The following CDK9 variants were observed in gnomAD, a reference collection of about 807,000 sequenced individuals.
CDK9 encodes the protein cyclin-dependent kinase 9.
CDK9 carries 34 observed loss-of-function variants against 39.0 expected under a neutral mutation model. The ratio of observed to expected loss-of-function variants is 0.87; its 90% CI spans 0.66 to 1.16. The LOEUF (loss-of-function observed/expected upper bound fraction) is 1.16. CDK9 is among the 50% of genes most tolerant of loss of function. The probability of loss-of-function intolerance (pLI) is 0.00; values close to 1 mark genes in which losing one functional copy is unlikely to be tolerated. For synonymous variants in CDK9, 233 were observed against 196.2 expected, an observed-to-expected ratio of 1.19 and a Z score of -1.57; for missense variants, 369 against 503.2, an observed-to-expected ratio of 0.73 and a Z score of 2.55.
intron 4 of CDK9, 23 bp downstream of exon 4, chr9:127,788,136 G>C (rs1490566041): frequency 8.1e-6 from 13 of 1,614,010 alleles, no homozygotes; most frequent in Non-Finnish European, 1.1e-5. Flanking sequence ...GCTGGGAGGA[G>C]GACCCAGGCT....
Position 127,788,665 on chromosome 9 carries a change from T to C in CDK9, c.726T>C (p.Ser242=). 3.1e-6 allele frequency: 5 copies of C among 1,610,494 alleles called. No homozygotes were observed. The highest frequency in any genetic ancestry group is 1.1e-5 in the South Asian group (1 of 90,524). Residue 242 remains serine, a synonymous_variant, in exon 6 of 7, where the codon AGT becomes AGC. Coordinates refer to ENST00000373264, the MANE Select transcript of CDK9 (RefSeq NM_001261.4). ...NTEQHQLALI[S]QLCGSITPEV... ...AGCAGCACCAACTCGCCCTCATCAG[T>C]CAGCTCTGCGGCTCCATCACCCCTG...
At chr9:127,788,713 CG>C in intron 6 of CDK9, 21 bp downstream of exon 6, 1 of 1,568,768 alleles carries the variant, frequency 6.4e-7, no homozygotes, top group East Asian at 2.3e-5. Context: ...CCGGTCCCCA[CG>C]GGGTGCAGAG....
intron 1 of CDK9, 88 bp downstream of exon 1, chr9:127,786,328 G>C: frequency 9.0e-7 from 1 of 1,107,428 alleles, no homozygotes; most frequent in South Asian, 1.3e-5. Context: ...CGAGTTGGTA[G>C]AGAAGTCGTC....
chr9:127,789,928 GT>G lies in CDK9; in HGVS notation c.*390del. 9 of 198,134 alleles carry G rather than the reference GT, an allele frequency of 4.5e-5. No homozygotes were observed. The highest frequency in any genetic ancestry group is 1.4e-4 in the East Asian group (1 of 7,000). 12.3% of individuals were successfully genotyped at this position (198,134 alleles called of 1,614,324 possible). ...ACAGGGCTCGCCTCAGGAATGGGCT[GT>G]TTTTGGCCTAACCCTCAGAAACACT... is the stretch of plus-strand genomic sequence containing the variant. On this transcript the variant is annotated 3_prime_UTR_variant, in exon 7 of 7. Transcript: ENST00000373264. The surrounding 1 kb of genome is among the most constrained non-coding windows in gnomAD (Gnocchi z 5.2).
In CDK9 at chr9:127,787,541, G is replaced by T; in HGVS notation, c.198G>T (p.Glu66Asp). 1 of 1,613,504 alleles carries T rather than the reference G, an allele frequency of 6.2e-7. No individual in the cohort carries two copies. Among genetic ancestry groups the T allele is most frequent in the Non-Finnish European group, 8.5e-7 (1 of 1,179,484 alleles). ...KEGFPITALR[E>D]IKILQLLKHE... Reference sequence around the variant, plus strand: ...AGTTCCCCATTACAGCCTTGCGGGAGATCAAGATCCTTCAGCTTCTAAAAC... The same window carrying T: ...AGTTCCCCATTACAGCCTTGCGGGATATCAAGATCCTTCAGCTTCTAAAAC... The change falls in exon 3 of 7, where the codon GAG becomes GAT. Residue 66 changes from glutamate to aspartate, a missense_variant. Glu to Asp is a conservative substitution (Grantham distance 45). Transcript: ENST00000373264.
chr9:127,788,172 G>C, intron 4 of CDK9, 42 bp from the exon 5 acceptor site: 3 of 1,613,308 alleles, frequency 1.9e-6, no homozygotes, highest in Non-Finnish European at 2.5e-6. Context: ...TCCCACTCCC[G>C]GGTGGATGTC....
At chr9:127,788,873 CG>C (rs1829380112) in intron 6 of CDK9, among the ~76,000 whole-genome samples, 181 bp downstream of exon 6, 1 of 152,146 alleles carries the variant, frequency 6.6e-6, no homozygotes, top group African/African-American at 2.4e-5. Flanking sequence ...GCGCCAGTCT[CG>C]GTTCCATCAG....
Position 127,789,172 on chromosome 9 carries a change from T to A in CDK9, c.754-6T>A. The A allele has an allele frequency of 6.4e-7, 1 of 1,562,356 alleles. No individual in the cohort carries two copies. Among genetic ancestry groups the A allele is most frequent in the South Asian group, 1.2e-5 (1 of 84,208 alleles). On this transcript the variant is annotated splice_polypyrimidine_tract_variant and splice_region_variant and intron_variant, in intron 6 of 6. Transcript: ENST00000373264. This position sits in a 1 kb window ranked among gnomAD's most constrained non-coding sequence, Gnocchi z 5.2. Reference sequence around the variant, plus strand: ...CCATATTCTCTCAACGCCCCCTCCCTCCCAGGTGTGGCCAAACGTGGACAA... The same window carrying A: ...CCATATTCTCTCAACGCCCCCTCCCACCCAGGTGTGGCCAAACGTGGACAA...
chr9:127,788,666 C>A lies in CDK9; in HGVS notation c.727C>A (p.Gln243Lys). 1 of 1,610,290 alleles carries A rather than the reference C, an allele frequency of 6.2e-7. No homozygotes were observed. Among genetic ancestry groups the A allele is most frequent in the Non-Finnish European group, 8.5e-7 (1 of 1,178,252 alleles). The change falls in exon 6 of 7, where the codon CAG becomes AAG. Residue 243 changes from glutamine to lysine, a missense_variant. By Grantham distance (53) the Gln-to-Lys change is moderately conservative. Transcript: ENST00000373264. The part of the protein sequence containing the change: ...TEQHQLALIS[Q>K]LCGSITPEVW... Reference sequence around the variant, plus strand: ...GCAGCACCAACTCGCCCTCATCAGTCAGCTCTGCGGCTCCATCACCCCTGA... The same window carrying A: ...GCAGCACCAACTCGCCCTCATCAGTAAGCTCTGCGGCTCCATCACCCCTGA...
intron 2 of CDK9, 112 bp downstream of exon 2, chr9:127,786,894 T>A: frequency 2.5e-6 from 2 of 814,424 alleles, no homozygotes; most frequent in Non-Finnish European, 3.9e-6. Flanking sequence ...TTTTTTGTAG[T>A]AGTTCAGAAA....
chr9:127,789,412 A>T lies in CDK9; in HGVS notation c.988A>T (p.Thr330Ser). ...CTCCGACCTCAAGGGCATGCTCTCCACCCACCTGACGTCCATGTTCGAGTA... is the reference window on the plus strand; with the variant it reads ...CTCCGACCTCAAGGGCATGCTCTCCTCCCACCTGACGTCCATGTTCGAGTA... ...MPSDLKGMLSTHLTSMFEYLA... is the reference protein window; with the variant it reads ...MPSDLKGMLSSHLTSMFEYLA... Residue 330 changes from threonine (T) to serine (S), a missense_variant, in exon 7 of 7, where the codon ACC becomes TCC. Thr to Ser is a moderately conservative substitution (Grantham distance 58, BLOSUM62 1). Transcript: ENST00000373264. The surrounding 1 kb of genome is among the most constrained non-coding windows in gnomAD (Gnocchi z 5.2). 1 of 1,613,626 alleles carries T rather than the reference A, an allele frequency of 6.2e-7. No individual in the cohort carries two copies. Among genetic ancestry groups the T allele is most frequent in the Non-Finnish European group, 8.5e-7 (1 of 1,179,938 alleles).
chr9:127,786,092 G>C lies in CDK9; in HGVS notation c.-57G>C. Reference sequence around the variant, plus strand: ...CTGGAGTGCGGCGGCGGCGGGACCCGGAGCAGGAGCGGCGGCAGCAGCGAC... The same window carrying C: ...CTGGAGTGCGGCGGCGGCGGGACCCCGAGCAGGAGCGGCGGCAGCAGCGAC... On this transcript the variant is annotated 5_prime_UTR_variant, in exon 1 of 7. Coordinates refer to ENST00000373264, the MANE Select transcript of CDK9 (RefSeq NM_001261.4). 3 of 1,376,516 alleles carry C rather than the reference G, an allele frequency of 2.2e-6. No homozygotes were observed. Among genetic ancestry groups the C allele is most frequent in the Non-Finnish European group, 3.0e-6 (3 of 995,914 alleles). 85.3% of individuals were successfully genotyped at this position (1,376,516 alleles called of 1,614,324 possible).
Position 127,786,795 on chromosome 9 carries a change from C to A in CDK9, c.174+13C>A. On this transcript the variant is annotated intron_variant, in intron 2 of 6. Coordinates refer to ENST00000373264, the MANE Select transcript of CDK9 (RefSeq NM_001261.4). ...CGAGAAGGAGGGGGTGAGTACGGAT[C>A]GGGCGTGCGGGCCGGCCGGCTAACT... 1 of 1,611,554 alleles carries A rather than the reference C, an allele frequency of 6.2e-7. No homozygotes were observed. The highest frequency in any genetic ancestry group is 1.1e-5 in the South Asian group (1 of 90,786).
Position 127,788,394 on chromosome 9 carries a change from TC to T in CDK9, c.604+12del. 6.2e-7 allele frequency: 1 copy of T among 1,609,676 alleles called. No homozygotes were observed. The highest frequency in any genetic ancestry group is 1.3e-5 in the African/African-American group (1 of 74,988). On this transcript the variant is annotated intron_variant, in intron 5 of 6. Coordinates refer to ENST00000373264, the MANE Select transcript of CDK9 (RefSeq NM_001261.4). Reference sequence around the variant, plus strand: ...CCCGGAGCTGTTGCTCGGTGAGGACTCCCGAGCGGGCCAAGGGGGGTGAGGG... The same window carrying T: ...CCCGGAGCTGTTGCTCGGTGAGGACTCCGAGCGGGCCAAGGGGGGTGAGGG...
Position 127,789,549 on chromosome 9 carries a change from G to T in CDK9, c.*6G>T. 1 of 1,611,932 alleles carries T rather than the reference G, an allele frequency of 6.2e-7. No individual in the cohort carries two copies. The highest frequency in any genetic ancestry group is 8.5e-7 in the Non-Finnish European group (1 of 1,178,712). On this transcript the variant is annotated 3_prime_UTR_variant, in exon 7 of 7. Transcript: ENST00000373264. The surrounding 1 kb of genome is among the most constrained non-coding windows in gnomAD (Gnocchi z 5.2). Reference sequence around the variant, plus strand: ...AGTTTGAGCGCGTCTTCTGAGGGCCGGCGCTTGCCACTAGGGCTCTTGTGT... The same window carrying T: ...AGTTTGAGCGCGTCTTCTGAGGGCCTGCGCTTGCCACTAGGGCTCTTGTGT...
At chr9:127,788,436 G>GCCCTCACC in intron 5 of CDK9, 51 bp downstream of exon 5, 2 of 1,571,056 alleles carry the variant, frequency 1.3e-6, no homozygotes, top group Non-Finnish European at 1.7e-6. Flanking sequence ...CATCTACCTG[G>GCCCTCACC]CCCCTTCCCC....
intron 1 of CDK9, among the ~76,000 whole-genome samples, 176 bp downstream of exon 1, chr9:127,786,416 A>C (rs1829319872): frequency 1.3e-5 from 2 of 151,636 alleles, no homozygotes; most frequent in African/African-American, 4.8e-5. Context: ...GGTGGGGAGG[A>C]GCCTGAGGCC....
chr9:127,787,399 C>T, intron 2 of CDK9, 119 bp from the exon 3 acceptor site: 1 of 643,694 alleles, frequency 1.6e-6, no homozygotes, highest in East Asian at 2.6e-5. Context: ...GCTTCTGAGA[C>T]AGCTGGTTTC....
intron 4 of CDK9, 44 bp from the exon 5 acceptor site, chr9:127,788,170 C>A (rs777029408): frequency 1.2e-6 from 2 of 1,613,366 alleles, no homozygotes; most frequent in East Asian, 4.5e-5. Flanking sequence ...GCTCCCACTC[C>A]CGGGTGGATG....
Sources: gnomAD v4.1 joint callset for allele counts (sites outside exome capture counted in the v4.1 genomes callset) on GRCh38, gnomAD v4.1.1 for gene constraint, Gnocchi (gnomAD v3.1) non-coding constraint, MANE v1.5 for transcripts, NCBI Gene and HGNC (gene_info 2026-07-23, HGNC 2026-07-21) for gene names.